GEN1: variants seen among roughly 807,000 people sequenced by gnomAD.
The protein encoded by GEN1 is flap endonuclease GEN homolog 1.
In GEN1, 64 loss-of-function variants were observed where a neutral mutation model predicts 67.6. The ratio of observed to expected loss-of-function variants is 0.95; its 90% CI spans 0.77 to 1.17. The LOEUF (loss-of-function observed/expected upper bound fraction) is 1.17. GEN1 is among the 50% of genes most tolerant of loss of function. The pLI, the probability that GEN1 is intolerant of heterozygous loss-of-function variation, is 0.00. For missense variants in GEN1, 1,058 were observed against 1,048.3 expected, an observed-to-expected ratio of 1.01 and a Z score of -0.13; for synonymous variants, 371 against 359.4, an observed-to-expected ratio of 1.03 and a Z score of -0.37.
rs1484996244 is a variant in GEN1 at position 17,780,784 on chromosome 2, C to T, written c.1572C>T (p.Ala524=). 1 of 1,613,922 alleles carries T rather than the reference C, an allele frequency of 6.2e-7. No individual in the cohort carries two copies. The highest frequency in any genetic ancestry group is 1.3e-5 in the African/African-American group (1 of 75,042). ...DPTLPQESIS[A]SLNSLLLPKN... ...CATTACCACAGGAATCTATTTCTGC[C>T]TCATTGAATAGCTTGCTTTTACCTA... The change falls in exon 14 of 14, where the codon GCC becomes GCT. Residue 524 remains alanine, a synonymous_variant. Transcript: ENST00000381254.
At chr2:17,758,519 A>G (rs1377728016) in intron 1 of GEN1, among the ~76,000 whole-genome samples, 1 of 152,226 alleles carries the variant, frequency 6.6e-6, no homozygotes, top group Non-Finnish European at 1.5e-5. Flanking sequence ...CAGTAACTGA[A>G]TTAATGCCAC....
chr2:17,758,956 A>G (rs1382218687), intron 1 of GEN1, among the ~76,000 whole-genome samples: 1 of 152,220 alleles, frequency 6.6e-6, no homozygotes, highest in Non-Finnish European at 1.5e-5. Flanking sequence ...CGCTTCCAGC[A>G]TTTATTTTCT....
At position 17,782,130 on chromosome 2, in the gene GEN1, T is replaced by G; in HGVS notation, c.*191T>G. On this transcript the variant is annotated 3_prime_UTR_variant, in exon 14 of 14. Transcript: ENST00000381254. The stretch of plus-strand genomic sequence containing the variant: ...CTCTGGTTTTAAAAGATCCTCTGTA[T>G]TGAAAACTTCTGATAATGTATGTCA... The G allele has an allele frequency of 4.3e-6, 2 of 462,340 alleles. No homozygotes were observed. The highest frequency in any genetic ancestry group is 7.6e-6 in the Non-Finnish European group (2 of 263,798). 28.6% of individuals were successfully genotyped at this position (462,340 alleles called of 1,614,324 possible).
In GEN1 at chr2:17,782,999, C is replaced by T. The variant is rs922823313; in HGVS notation, c.*1060C>T. ...TAGAAAACTATTAAAACTGATAAAG[C>T]GAGTTCATCCAGGTCGTAGAATACA... On this transcript the variant is annotated 3_prime_UTR_variant, in exon 14 of 14. Coordinates refer to ENST00000381254, the MANE Select transcript of GEN1 (RefSeq NM_001130009.3). 7 of 152,024 alleles carry T rather than the reference C, an allele frequency of 4.6e-5. No individual in the cohort carries two copies. Among genetic ancestry groups the T allele is most frequent in the Admixed American group, 2.0e-4 (3 of 15,250 alleles). The allele number at this position is 152,024 out of a possible 1,614,324, so 9.4% of individuals were successfully genotyped here. A position where few individuals can be genotyped will look rare whatever the true frequency, so the allele number is the denominator to read the frequency against.
chr2:17,757,234 A>G (rs2615051), intron 1 of GEN1, among the ~76,000 whole-genome samples: 70,562 of 150,004 alleles, frequency 0.47, 18,884 homozygotes, highest in East Asian at 0.92. Context: ...CAATAATCGA[A>G]TCAGTGCTGG....
intron 5 of GEN1, among the ~76,000 whole-genome samples, chr2:17,767,043 T>C (rs1671966946): frequency 6.6e-6 from 1 of 152,226 alleles, no homozygotes; most frequent in Non-Finnish European, 1.5e-5. Flanking sequence ...TTCACTCTTT[T>C]TTCTGTTTTT....
intron 1 of GEN1, among the ~76,000 whole-genome samples, chr2:17,759,427 T>C (rs532167092): frequency 1.3e-5 from 2 of 152,346 alleles, no homozygotes; most frequent in South Asian, 4.1e-4. Flanking sequence ...CAATGAACAT[T>C]ATGTGACCTT....
chr2:17,777,986 T>C lies in GEN1; in HGVS notation c.1203-16T>C. ...TCTTATGCAATTAGACTTCATTAAA[T>C]GAATTTGTTTTTCAGAATTGTTAAG... On this transcript the variant is annotated splice_polypyrimidine_tract_variant and intron_variant, in intron 11 of 13. Transcript: ENST00000381254. 2.1e-6 allele frequency: 3 copies of C among 1,461,156 alleles called. No homozygotes were observed. Among genetic ancestry groups the C allele is most frequent in the Non-Finnish European group, 2.9e-6 (3 of 1,043,706 alleles). The allele number at this position is 1,461,156 out of a possible 1,614,324, so 90.5% of individuals were successfully genotyped here.
At chr2:17,760,313 A>G (rs1260816433) in intron 2 of GEN1, among the ~76,000 whole-genome samples, 1 of 152,316 alleles carries the variant, frequency 6.6e-6, no homozygotes, top group East Asian at 1.9e-4. Context: ...TCACATAGCT[A>G]TCTCCTACTT....
intron 13 of GEN1, 54 bp from the exon 14 acceptor site, chr2:17,780,567 C>T: frequency 8.4e-7 from 1 of 1,188,590 alleles, no homozygotes; most frequent in Non-Finnish European, 1.2e-6. Context: ...ATTTTTTACC[C>T]AAGTTAAAGC....
At chr2:17,770,747 A>G (rs1672143612) in intron 6 of GEN1, among the ~76,000 whole-genome samples, 1 of 151,926 alleles carries the variant, frequency 6.6e-6, no homozygotes, top group South Asian at 2.1e-4. Context: ...CAGAAGATTA[A>G]TGTTTTATTT....
chr2:17,787,803 AAT>A lies in GEN1; in HGVS notation c.*5865_*5866del, dbSNP rs1673106181. 1.3e-5 allele frequency: 2 copies of A among 152,490 alleles called. No individual in the cohort carries two copies. The highest frequency in any genetic ancestry group is 2.9e-5 in the Non-Finnish European group (2 of 68,270). 9.4% of individuals were successfully genotyped at this position (152,490 alleles called of 1,614,324 possible). A position where few individuals can be genotyped will look rare whatever the true frequency, so the allele number is the denominator to read the frequency against. On this transcript the variant is annotated 3_prime_UTR_variant, in exon 14 of 14. Coordinates refer to ENST00000381254, the MANE Select transcript of GEN1 (RefSeq NM_001130009.3). Reference sequence around the variant, plus strand: ...GCCGGGTGTGGTGATGGGTACCTGTAATCCCACCTACTTGGGAGGCTGAGACA... The same window carrying A: ...GCCGGGTGTGGTGATGGGTACCTGTACCCACCTACTTGGGAGGCTGAGACA...
Position 17,778,126 on chromosome 2 carries a change from T to C in GEN1, c.1264+63T>C, listed in dbSNP as rs878985686. 3.8e-6 allele frequency: 3 copies of C among 794,818 alleles called. No homozygotes were observed. The African/African-American group carries it at 5.6e-5, about 15-fold the overall frequency. 49.2% of individuals were successfully genotyped at this position (794,818 alleles called of 1,614,324 possible). Reference sequence around the variant, plus strand: ...TATTTGACCATGTATGTCTAGTAAATATTGTATATGTGTATATATATATAT... The same window carrying C: ...TATTTGACCATGTATGTCTAGTAAACATTGTATATGTGTATATATATATAT... On this transcript the variant is annotated intron_variant, in intron 12 of 13. Coordinates refer to ENST00000381254, the MANE Select transcript of GEN1 (RefSeq NM_001130009.3).
At chr2:17,774,979 G>A (rs1389519152) in intron 11 of GEN1, among the ~76,000 whole-genome samples, 1 of 152,020 alleles carries the variant, frequency 6.6e-6, no homozygotes, top group Non-Finnish European at 1.5e-5. Context: ...AGAGATAGAA[G>A]TGAAGACAGA....
chr2:17,767,444 C>G (rs918429814), intron 5 of GEN1, among the ~76,000 whole-genome samples: 1 of 152,026 alleles, frequency 6.6e-6, no homozygotes, highest in African/African-American at 2.4e-5. Flanking sequence ...CATCTGAGCT[C>G]AGGAGAAAGG....
intron 12 of GEN1, among the ~76,000 whole-genome samples, chr2:17,779,496 G>C (rs1225121507): frequency 2.0e-5 from 3 of 152,184 alleles, no homozygotes; most frequent in Non-Finnish European, 4.4e-5. Flanking sequence ...ATTATGTACT[G>C]CTATCAACAG....
Position 17,781,999 on chromosome 2 carries a change from G to C in GEN1, c.*60G>C, listed in dbSNP as rs1169605238. The C allele has an allele frequency of 1.1e-6, 1 of 907,824 alleles. No individual in the cohort carries two copies. Among genetic ancestry groups the C allele is most frequent in the African/African-American group, 1.7e-5 (1 of 59,596 alleles). 56.2% of individuals were successfully genotyped at this position (907,824 alleles called of 1,614,324 possible). Reference sequence around the variant, plus strand: ...AGTACTATCAGCAATAGCAGAGACAGAGGGAAGGTATCTAGTTCATGTGTG... The same window carrying C: ...AGTACTATCAGCAATAGCAGAGACACAGGGAAGGTATCTAGTTCATGTGTG... On this transcript the variant is annotated 3_prime_UTR_variant, in exon 14 of 14. Transcript: ENST00000381254.
upstream of GEN1, chr2:17,753,961 G>C (rs527593818): frequency 3.3e-5 from 5 of 152,482 alleles, no homozygotes; most frequent in East Asian, 9.7e-4. Context: ...GACCGGACTC[G>C]GGGGAGGTGA....
rs1038626639 is a variant in GEN1, at chr2:17,781,072, C to T, written c.1860C>T (p.Ala620=). 3 of 1,613,428 alleles carry T rather than the reference C, an allele frequency of 1.9e-6. No homozygotes were observed. The highest frequency in any genetic ancestry group is 2.5e-6 in the Non-Finnish European group (3 of 1,179,526). ...CAGAAGTTGAATCAGAGCTATCAGC[C>T]ATCCCTGATGGCTTTGAAAATATCC... ...LKSEVESELS[A]IPDGFENIPE... The change falls in exon 14 of 14, where the codon GCC becomes GCT. Residue 620 remains alanine (A), a synonymous_variant. Coordinates refer to ENST00000381254, the MANE Select transcript of GEN1 (RefSeq NM_001130009.3).
Sources: allele counts gnomAD v4.1 joint callset (sites outside exome capture counted in the v4.1 genomes callset), GRCh38; gene constraint gnomAD v4.1.1; transcripts MANE v1.5; gene names NCBI Gene and HGNC (gene_info 2026-07-23, HGNC 2026-07-21).